Variants in ZC3H15 observed in about 807,000 individuals in gnomAD.
The protein encoded by ZC3H15 is zinc finger CCCH domain-containing protein 15.
A neutral mutation model predicts 51.2 loss-of-function variants in ZC3H15; 15 were observed. That is an observed-to-expected ratio of 0.29 (90% confidence interval 0.20 to 0.45). The LOEUF (loss-of-function observed/expected upper bound fraction) is 0.45. Among genes scored for constraint, ZC3H15 ranks in the 20% least tolerant of loss-of-function variants. The pLI, the probability that ZC3H15 is intolerant of heterozygous loss-of-function variation, is 1.00. For synonymous variants in ZC3H15, 144 were observed against 162.8 expected, an observed-to-expected ratio of 0.88 and a Z score of 0.88; for missense variants, 381 against 494.7, an observed-to-expected ratio of 0.77 and a Z score of 2.18.
intron 2 of ZC3H15, among the ~76,000 whole-genome samples, chr2:186,498,601 T>G (rs967080216): frequency 3.9e-5 from 6 of 152,226 alleles, no homozygotes; most frequent in African/African-American, 1.4e-4. Flanking sequence ...TAGAGTCATA[T>G]TCAGGATTTG....
At chr2:186,486,581 G>T in intron 1 of ZC3H15, 124 bp downstream of exon 1, 1 of 971,022 alleles carries the variant, frequency 1.0e-6, no homozygotes, top group Non-Finnish European at 1.4e-6. Flanking sequence ...GGCCTGTGTG[G>T]CCCACTGCCC....
Position 186,508,785 on chromosome 2 carries a change from GACT to G in ZC3H15, c.*55_*57del, listed in dbSNP as rs758110031. ...AGTCAGCTCAGCACGAGTTGAAATTGACTACATTAATTTCTTTCCACCTAGAAT... is the reference window on the plus strand; with the variant it reads ...AGTCAGCTCAGCACGAGTTGAAATTGACATTAATTTCTTTCCACCTAGAAT... On this transcript the variant is annotated 3_prime_UTR_variant, in exon 10 of 10. Transcript: ENST00000337859. The G allele has an allele frequency of 7.7e-6, 12 of 1,552,512 alleles. No homozygotes were observed. Among genetic ancestry groups the G allele is most frequent in the Non-Finnish European group, 1.1e-5 (12 of 1,131,198 alleles).
At chr2:186,503,933 A>C in intron 5 of ZC3H15, 99 bp from the exon 6 acceptor site, 4 of 937,206 alleles carry the variant, frequency 4.3e-6, no homozygotes, top group Non-Finnish European at 6.1e-6. Flanking sequence ...CTTGTGTAAT[A>C]TAACGTACTT....
chr2:186,506,849 A>C lies in ZC3H15; in HGVS notation c.1090+13A>C, dbSNP rs1685475478. The C allele has an allele frequency of 6.2e-7, 1 of 1,604,374 alleles. No individual in the cohort carries two copies. Among genetic ancestry groups the C allele is most frequent in the Non-Finnish European group, 8.5e-7 (1 of 1,176,546 alleles). On this transcript the variant is annotated intron_variant, in intron 9 of 9. Coordinates refer to ENST00000337859, the MANE Select transcript of ZC3H15 (RefSeq NM_018471.3). The stretch of plus-strand genomic sequence containing the variant: ...TCAGATAAAGATGGTAAGTATGCTA[A>C]CTTTTGCCTAATTTTAAGAACTAGG...
intron 1 of ZC3H15, among the ~76,000 whole-genome samples, chr2:186,494,809 G>A (rs778996292): frequency 2.6e-5 from 4 of 152,028 alleles, no homozygotes; most frequent in Non-Finnish European, 5.9e-5. Context: ...ATCACACACC[G>A]GGGCCTGTTG....
At chr2:186,503,960 C>T (rs1685427264) in intron 5 of ZC3H15, 72 bp from the exon 6 acceptor site, 2 of 1,263,908 alleles carry the variant, frequency 1.6e-6, no homozygotes, top group South Asian at 3.7e-5. Flanking sequence ...ATACTTGTTC[C>T]ATATACTCAG....
At chr2:186,502,248 G>T (rs1685396952) in intron 4 of ZC3H15, among the ~76,000 whole-genome samples, 1 of 151,970 alleles carries the variant, frequency 6.6e-6, no homozygotes, top group African/African-American at 2.4e-5. Flanking sequence ...CTGCTTGGGA[G>T]GCTAAGGCAG....
rs1279564388 is a variant in ZC3H15, at chr2:186,486,283, C to G, written c.-100C>G. On this transcript the variant is annotated 5_prime_UTR_variant, in exon 1 of 10. Coordinates refer to ENST00000337859, the MANE Select transcript of ZC3H15 (RefSeq NM_018471.3). ...GCGACTCGCTTTCCGTGCGGTGCGG[C>G]GAGTGAGGCCCCGGTCTTCCTCCTC... The G allele has an allele frequency of 7.8e-7, 1 of 1,280,484 alleles. No individual in the cohort carries two copies. Among genetic ancestry groups the G allele is most frequent in the African/African-American group, 1.5e-5 (1 of 65,004 alleles). The allele number at this position is 1,280,484 out of a possible 1,614,324, so 79.3% of individuals were successfully genotyped here.
intron 1 of ZC3H15, among the ~76,000 whole-genome samples, chr2:186,491,288 C>T (rs1222910850): frequency 6.6e-6 from 1 of 152,066 alleles, no homozygotes; most frequent in East Asian, 1.9e-4. Flanking sequence ...TTTACTGGCC[C>T]AGACAAGGTT....
intron 1 of ZC3H15, among the ~76,000 whole-genome samples, chr2:186,489,861 A>G (rs890117648): frequency 6.6e-6 from 1 of 152,208 alleles, no homozygotes; most frequent in African/African-American, 2.4e-5. Flanking sequence ...AAGTTACAAA[A>G]TCTAGCTGGA....
chr2:186,506,133 G>A (rs1449855673), intron 8 of ZC3H15: 3 of 432,310 alleles, frequency 6.9e-6, no homozygotes, highest in African/African-American at 6.0e-5. Context: ...CCTGTAAAAA[G>A]TATGTTTTGT....
At position 186,499,862 on chromosome 2, in the gene ZC3H15, G is replaced by A. The variant is rs150286430; in HGVS notation, c.178-320G>A. Among the ~76,000 whole-genome samples, 32 of 152,276 alleles carry A rather than the reference G, an allele frequency of 2.1e-4. No homozygotes were observed. The East Asian group carries it at 5.8e-3, about 28-fold the overall frequency. ...TCTCATCTTCAAAATGAACCTGTAC[G>A]TTTCTGGGGAGTGGGTTGTTTTCAC... On this transcript the variant is annotated intron_variant, in intron 2 of 9. Coordinates refer to ENST00000337859, the MANE Select transcript of ZC3H15 (RefSeq NM_018471.3).
rs775823945 is a variant in ZC3H15, at chr2:186,495,343, T to C, written c.177+9T>C. 4.4e-5 allele frequency: 64 copies of C among 1,448,404 alleles called. No homozygotes were observed. The South Asian group carries it at 8.5e-4, about 19-fold the overall frequency. The allele number at this position is 1,448,404 out of a possible 1,614,324, so 89.7% of individuals were successfully genotyped here. A position where few individuals can be genotyped will look rare whatever the true frequency, so the allele number is the denominator to read the frequency against. On this transcript the variant is annotated intron_variant, in intron 2 of 9. Coordinates refer to ENST00000337859, the MANE Select transcript of ZC3H15 (RefSeq NM_018471.3). ...AACAAAATCCACGTCAGGTAAGTAA[T>C]TTAAATGTCCATATCTTTTTATAAA...
intron 9 of ZC3H15, 110 bp downstream of exon 9, chr2:186,506,946 A>G: frequency 8.3e-7 from 1 of 1,210,300 alleles, no homozygotes; most frequent in Admixed American, 2.3e-5. Flanking sequence ...GGTAACATAA[A>G]TGTGTGGTTT....
At chr2:186,492,915 A>C (rs1685222548) in intron 1 of ZC3H15, among the ~76,000 whole-genome samples, 1 of 152,156 alleles carries the variant, frequency 6.6e-6, no homozygotes, top group South Asian at 2.1e-4. Context: ...CTTCCTCTCT[A>C]AAACCACCCA....
chr2:186,501,572 C>T, intron 4 of ZC3H15, 147 bp downstream of exon 4: 2 of 701,550 alleles, frequency 2.9e-6, no homozygotes, highest in Non-Finnish European at 2.2e-6. Flanking sequence ...TTTATAAAAT[C>T]TGAAAATTAC....
chr2:186,488,737 T>C (rs1685147654), intron 1 of ZC3H15: 1 of 152,210 alleles, frequency 6.6e-6, no homozygotes, highest in Non-Finnish European at 1.5e-5. Flanking sequence ...CCTTGGGGCA[T>C]ACGCTGAGTT....
intron 1 of ZC3H15, among the ~76,000 whole-genome samples, chr2:186,486,670 C>T (rs1042221063): frequency 6.6e-6 from 1 of 152,232 alleles, no homozygotes; most frequent in Middle Eastern, 3.2e-3. Flanking sequence ...GGCTTTGCCT[C>T]TCCGCCCACA....
chr2:186,488,850 A>C (rs1214654255), intron 1 of ZC3H15: 2 of 152,620 alleles, frequency 1.3e-5, no homozygotes, highest in Non-Finnish European at 2.9e-5. Flanking sequence ...ACTGGTCTTG[A>C]CTACACCCTC....
Sources: allele counts gnomAD v4.1 joint callset (sites outside exome capture counted in the v4.1 genomes callset), GRCh38; gene constraint gnomAD v4.1.1; transcripts MANE v1.5; gene names NCBI Gene and HGNC (gene_info 2026-07-23, HGNC 2026-07-21).